The following BAIAP2 variants were observed in gnomAD, a reference collection of about 807,000 sequenced individuals.
BAIAP2 encodes the protein BAR/IMD domain-containing adapter protein 2.
Under a neutral mutation model 63.0 loss-of-function variants are expected in BAIAP2, and 18 were observed. The ratio of observed to expected loss-of-function variants is 0.29; its 90% confidence interval spans 0.20 to 0.42. BAIAP2 has a LOEUF of 0.42. Ranked by LOEUF, BAIAP2 falls within the 10% of genes least tolerant of loss-of-function variation. BAIAP2 has a pLI of 1.00. For synonymous variants in BAIAP2, 386 were observed against 307.6 expected, an observed-to-expected ratio of 1.25 and a Z score of -2.67; for missense variants, 610 against 734.3, an observed-to-expected ratio of 0.83 and a Z score of 1.96.
At chr17:81,065,040 G>A (rs1302722448) in intron 3 of BAIAP2, among the ~76,000 whole-genome samples, 4 of 152,206 alleles carry the variant, frequency 2.6e-5, no homozygotes, top group African/African-American at 7.2e-5. Context: ...GCGTGATTCC[G>A]GGGCACACCC....
intron 9 of BAIAP2, 65 bp from the exon 10 acceptor site, chr17:81,104,449 A>C (rs1598803681): frequency 6.7e-7 from 1 of 1,500,196 alleles, no homozygotes; most frequent in Middle Eastern, 2.5e-4. Context: ...CCTCAACCAG[A>C]CTCCCTGGGC....
intron 3 of BAIAP2, among the ~76,000 whole-genome samples, chr17:81,063,426 G>A (rs543703600): frequency 9.9e-5 from 15 of 152,174 alleles, no homozygotes; most frequent in Non-Finnish European, 1.9e-4. Flanking sequence ...TGTCCTCCTC[G>A]GTGAGCAGTT....
chr17:81,116,222 T>TGCACCAG lies in BAIAP2; in HGVS notation c.*385_*391dup. 6.2e-7 allele frequency: 1 copy of TGCACCAG among 1,612,406 alleles called. No homozygotes were observed. The highest frequency in any genetic ancestry group is 8.5e-7 in the Non-Finnish European group (1 of 1,179,730). Reference sequence around the variant, plus strand: ...TCCTGCCTAATAAACAGGCTTCTCCTGCACCAGGTGTGATCTGTCCGCCCA... The same window carrying TGCACCAG: ...TCCTGCCTAATAAACAGGCTTCTCCTGCACCAGGCACCAGGTGTGATCTGTCCGCCCA... On this transcript the variant is annotated 3_prime_UTR_variant, in exon 14 of 14. Transcript: ENST00000428708.
At position 81,081,763 on chromosome 17, in the gene BAIAP2, C is replaced by T. The variant is rs540922177; in HGVS notation, c.218-3069C>T. ...TGGTTTGCCGCTGATCCCCAGAGGT[C>T]TCGACTTCATCCCGACCGTGAGAGG... On this transcript the variant is annotated intron_variant, in intron 3 of 13. Transcript: ENST00000428708. 4.6e-5 allele frequency among the ~76,000 whole-genome samples: 7 copies of T among 152,302 alleles called. No individual in the cohort carries two copies. The South Asian group carries it at 1.5e-3, about 32-fold the overall frequency.
intron 13 of BAIAP2, chr17:81,110,594 G>C (rs1385637431): frequency 1.5e-5 from 18 of 1,224,882 alleles, no homozygotes; most frequent in Middle Eastern, 3.2e-4. Context: ...CCTCTGCCAG[G>C]TATTTTCTCG....
At chr17:81,074,603 G>T (rs767078852) in intron 3 of BAIAP2, among the ~76,000 whole-genome samples, 12 of 150,422 alleles carry the variant, frequency 8.0e-5, no homozygotes. Context: ...GTGTGTGCGT[G>T]CACGGATGCG....
chr17:81,091,864 C>T (rs1471847462), intron 6 of BAIAP2, among the ~76,000 whole-genome samples: 2 of 152,248 alleles, frequency 1.3e-5, no homozygotes, highest in Admixed American at 6.5e-5. Flanking sequence ...GTCTCTGGCC[C>T]TGCATGTCCC....
intron 7 of BAIAP2, among the ~76,000 whole-genome samples, chr17:81,100,903 G>A (rs1209210690): frequency 6.6e-6 from 1 of 152,160 alleles, no homozygotes; most frequent in African/African-American, 2.4e-5. Context: ...GCACCCCTGA[G>A]CCACTGTGGT....
chr17:81,100,146 T>TGACCCA, intron 7 of BAIAP2, 66 bp downstream of exon 7: 1 of 1,529,408 alleles, frequency 6.5e-7, no homozygotes, highest in Non-Finnish European at 8.8e-7. Context: ...CCCAGGCCCC[T>TGACCCA]GCCCCAGCCC....
chr17:81,108,425 G>A lies in BAIAP2; in HGVS notation c.1501-50G>A. 3 of 1,608,216 alleles carry A rather than the reference G, an allele frequency of 1.9e-6. No individual in the cohort carries two copies. The South Asian group carries it at 3.3e-5, about 18-fold the overall frequency. On this transcript the variant is annotated intron_variant, in intron 12 of 13. Coordinates refer to ENST00000428708, the MANE Select transcript of BAIAP2 (RefSeq NM_001144888.2). The stretch of plus-strand genomic sequence containing the variant: ...GTGTGTACAGGCAGCGGGTGGGGGT[G>A]ACCACAGGCCCCGTCACCCGGCCTG...
At chr17:81,105,418 AGGCTTTCTGT>A (rs2059061720) in intron 10 of BAIAP2, 1 of 153,528 alleles carries the variant, frequency 6.5e-6, no homozygotes, top group African/African-American at 2.4e-5. Flanking sequence ...CTGAGACCGC[AGGCTTTCTGT>A]GGCTTTCAGC....
chr17:81,095,443 G>T (rs967046574), intron 6 of BAIAP2, among the ~76,000 whole-genome samples: 1 of 152,310 alleles, frequency 6.6e-6, no homozygotes, highest in East Asian at 1.9e-4. Context: ...TGAAGCTCCT[G>T]CCTGGCCTAG....
chr17:81,035,240 C>A lies in BAIAP2; in HGVS notation c.-15C>A. 1 of 1,507,032 alleles carries A rather than the reference C, an allele frequency of 6.6e-7. No homozygotes were observed. 93.4% of individuals were successfully genotyped at this position (1,507,032 alleles called of 1,614,324 possible). A position where few individuals can be genotyped will look rare whatever the true frequency, so the allele number is the denominator to read the frequency against. ...TCCCCCGCTCCGGTCTGTGGTGCAG[C>A]CGGGACCCAGGACCATGTCTCTGTC... On this transcript the variant is annotated 5_prime_UTR_variant, in exon 1 of 14. Transcript: ENST00000428708.
At chr17:81,109,979 C>T (rs2059708376) in intron 13 of BAIAP2, 1 of 985,340 alleles carries the variant, frequency 1.0e-6, no homozygotes, top group Non-Finnish European at 1.2e-6. Flanking sequence ...CTGCCCGGTT[C>T]TTCCTAAACG....
At position 81,039,757 on chromosome 17, in the gene BAIAP2, C is replaced by T. The variant is rs549052785; in HGVS notation, c.54+4449C>T. 5.3e-5 allele frequency among the ~76,000 whole-genome samples: 8 copies of T among 152,236 alleles called. No homozygotes were observed. The East Asian group carries it at 1.5e-3, about 29-fold the overall frequency. ...CTTCCAAAGGTGGAGACCTGAGGGC[C>T]AAGACCTGTCTGCTGGCTACAGGCA... On this transcript the variant is annotated intron_variant, in intron 1 of 13. Transcript: ENST00000428708.
intron 13 of BAIAP2, 151 bp from the exon 14 acceptor site, chr17:81,115,619 A>G (rs1027254157): frequency 2.2e-6 from 2 of 923,460 alleles, no homozygotes; most frequent in African/African-American, 3.2e-5. Context: ...CTGCCCCGCA[A>G]AGCAGCGTAT....
chr17:81,109,588 T>C, intron 13 of BAIAP2: 1 of 985,162 alleles, frequency 1.0e-6, no homozygotes, highest in Non-Finnish European at 1.2e-6. Context: ...AGGGGGCTCG[T>C]GCCAAGCTCG....
In BAIAP2 at chr17:81,116,584, G is replaced by A. The variant is rs1269632445; in HGVS notation, c.*745G>A. ...ATGCGGGGTCACCAGCAGAGTGCCCGCTGGCAGGTGGGGGCTTCCCCGCTT... is the reference window on the plus strand; with the variant it reads ...ATGCGGGGTCACCAGCAGAGTGCCCACTGGCAGGTGGGGGCTTCCCCGCTT... On this transcript the variant is annotated 3_prime_UTR_variant, in exon 14 of 14. Coordinates refer to ENST00000428708, the MANE Select transcript of BAIAP2 (RefSeq NM_001144888.2). The A allele has an allele frequency of 4.2e-6, 2 of 477,038 alleles. No homozygotes were observed. The highest frequency in any genetic ancestry group is 2.7e-5 in the South Asian group (1 of 36,718). 29.6% of individuals were successfully genotyped at this position (477,038 alleles called of 1,614,324 possible). A position where few individuals can be genotyped will look rare whatever the true frequency, so the allele number is the denominator to read the frequency against.
chr17:81,103,462 G>T lies in BAIAP2; in HGVS notation c.643-40G>T, dbSNP rs975095013. On this transcript the variant is annotated intron_variant, in intron 7 of 13. Coordinates refer to ENST00000428708, the MANE Select transcript of BAIAP2 (RefSeq NM_001144888.2). Reference sequence around the variant, plus strand: ...GCTGTGCCTGGCTGCAGGAGACTGAGCCGGCCCTGACCCCTCCCTTCCTGC... The same window carrying T: ...GCTGTGCCTGGCTGCAGGAGACTGATCCGGCCCTGACCCCTCCCTTCCTGC... The T allele has an allele frequency of 2.6e-6, 4 of 1,525,214 alleles. No homozygotes were observed. In the African/African-American group the frequency reaches 5.5e-5, roughly 21 times the overall value. The allele number at this position is 1,525,214 out of a possible 1,614,324, so 94.5% of individuals were successfully genotyped here.
Sources: gnomAD v4.1 joint callset for allele counts (sites outside exome capture counted in the v4.1 genomes callset) on GRCh38, gnomAD v4.1.1 for gene constraint, MANE v1.5 for transcripts, NCBI Gene and HGNC (gene_info 2026-07-23, HGNC 2026-07-21) for gene names.